TGFA: variants seen among roughly 807,000 people sequenced by gnomAD.
TGFA encodes the protein transforming growth factor alpha.
A neutral mutation model predicts 21.7 loss-of-function variants in TGFA; 12 were observed. That is an observed-to-expected ratio of 0.55 (90% CI 0.35 to 0.90). The LOEUF is 0.90. Ranked by LOEUF, TGFA falls within the 40% of genes least tolerant of loss-of-function variation. TGFA has a pLI of 0.01. For missense variants in TGFA, 178 were observed against 210.8 expected, an observed-to-expected ratio of 0.84 and a Z score of 0.96; for synonymous variants, 79 against 88.1, an observed-to-expected ratio of 0.90 and a Z score of 0.58.
At chr2:70,458,922 G>A (rs1474082463) in intron 3 of TGFA, among the ~76,000 whole-genome samples, 3 of 152,218 alleles carry the variant, frequency 2.0e-5, no homozygotes, top group Non-Finnish European at 4.4e-5. Flanking sequence ...TGGGGCCGGG[G>A]AGCCTGGGCT....
intron 3 of TGFA, among the ~76,000 whole-genome samples, chr2:70,462,382 T>C (rs1009050289): frequency 6.6e-6 from 1 of 152,226 alleles, no homozygotes; most frequent in African/African-American, 2.4e-5. Context: ...GCTGAACACA[T>C]GCAAGCCCCA....
intron 1 of TGFA, among the ~76,000 whole-genome samples, chr2:70,552,194 T>TCCACAGGAAA (rs11282416): frequency 0.29 from 43,511 of 151,916 alleles, 6,254 homozygotes; most frequent in Middle Eastern, 0.37. Context: ...GGACCCTGTG[T>TCCACAGGAAA]GCTTTACTTT....
chr2:70,518,216 A>G (rs1308233497), intron 1 of TGFA, among the ~76,000 whole-genome samples: 1 of 152,214 alleles, frequency 6.6e-6, no homozygotes, highest in East Asian at 1.9e-4. Context: ...AATCCCTTCT[A>G]GGCCACTCCT....
chr2:70,468,673 A>T (rs1553492713), intron 2 of TGFA, among the ~76,000 whole-genome samples: 1 of 152,136 alleles, frequency 6.6e-6, no homozygotes, highest in Non-Finnish European at 1.5e-5. Context: ...CGGGAAACCT[A>T]TTGTGAACTG....
At chr2:70,500,099 G>GT (rs1671691339) in intron 2 of TGFA, among the ~76,000 whole-genome samples, 2 of 152,080 alleles carry the variant, frequency 1.3e-5, no homozygotes, top group African/African-American at 4.8e-5. Context: ...ATGGTATATG[G>GT]TATCTATTTT....
rs1464520681 is a variant in TGFA at position 70,521,606 on chromosome 2, G to GTTGT, written c.41-6698_41-6695dup. Among the ~76,000 whole-genome samples, 66 of 98,264 alleles carry GTTGT rather than the reference G, an allele frequency of 6.7e-4. 2 individuals are homozygous for GTTGT. The highest frequency in any genetic ancestry group is 7.1e-4 in the Non-Finnish European group (36 of 50,848). The allele number at this position is 98,264 out of a possible 152,430, so 64.5% of individuals were successfully genotyped here. On this transcript the variant is annotated intron_variant, in intron 1 of 5. Coordinates refer to ENST00000295400, the MANE Select transcript of TGFA (RefSeq NM_003236.4). ...GCTACTATTGATAGTTTTTTTTGTTGTTGTTTGTTTGTTTTTTTTTTTTTT... is the reference window on the plus strand; with the variant it reads ...GCTACTATTGATAGTTTTTTTTGTTGTTGTTTGTTTGTTTGTTTTTTTTTTTTTT...
At chr2:70,455,285 G>A (rs1553490293) in intron 4 of TGFA, among the ~76,000 whole-genome samples, 1 of 152,208 alleles carries the variant, frequency 6.6e-6, no homozygotes, top group Non-Finnish European at 1.5e-5. Flanking sequence ...GTGCCTCACT[G>A]TTACCAGAAC....
intron 1 of TGFA, chr2:70,553,073 G>T: frequency 8.8e-7 from 1 of 1,142,006 alleles, no homozygotes; most frequent in Non-Finnish European, 1.2e-6. Flanking sequence ...AAAGGAAACT[G>T]GCAACACTCG....
intron 3 of TGFA, among the ~76,000 whole-genome samples, chr2:70,464,891 C>A (rs1462260138): frequency 1.3e-5 from 2 of 152,220 alleles, no homozygotes; most frequent in Non-Finnish European, 2.9e-5. Context: ...CCTAACTGGT[C>A]TAACCCTAAC....
intron 2 of TGFA, among the ~76,000 whole-genome samples, chr2:70,511,931 T>A (rs1342986663): frequency 5.3e-5 from 7 of 133,324 alleles, no homozygotes; most frequent in Admixed American, 3.6e-4. Flanking sequence ...ACACACACAC[T>A]TGCTACAATG....
chr2:70,541,633 T>A (rs1673133036), intron 1 of TGFA, among the ~76,000 whole-genome samples: 1 of 152,184 alleles, frequency 6.6e-6, no homozygotes, highest in South Asian at 2.1e-4. Context: ...ACGTGTTCTA[T>A]GAATGAGAAG....
intron 1 of TGFA, among the ~76,000 whole-genome samples, chr2:70,528,707 T>A (rs535195439): frequency 2.0e-5 from 3 of 152,148 alleles, no homozygotes; most frequent in Admixed American, 2.0e-4. Context: ...CAGCTGGGGA[T>A]AAGTTATCAA....
At chr2:70,499,859 T>C (rs1671684808) in intron 2 of TGFA, among the ~76,000 whole-genome samples, 1 of 152,144 alleles carries the variant, frequency 6.6e-6, no homozygotes, top group Admixed American at 6.5e-5. Flanking sequence ...AAGGAAAGGA[T>C]GTGAGTGAAA....
chr2:70,521,609 G>GTTGGTTTTTTTTTTTTT (rs1432347684), intron 1 of TGFA, among the ~76,000 whole-genome samples: 1 of 78,876 alleles, frequency 1.3e-5, no homozygotes, highest in African/African-American at 5.0e-5. Flanking sequence ...TTTTGTTGTT[G>GTTGGTTTTTTTTTTTTT]TTTGTTTGTT....
rs971314540 is a variant in TGFA at position 70,513,992 on chromosome 2, G to A, written c.94+867C>T. Among the ~76,000 whole-genome samples, 9 of 152,266 alleles carry A rather than the reference G, an allele frequency of 5.9e-5. No individual in the cohort carries two copies. In the South Asian group the frequency reaches 1.7e-3, roughly 28 times the overall value. ...TAAATCTGTATTTATTCCTGTTTCC[G>A]GAGACACATGCTGAGGAAAGAATCC... On this transcript the variant is annotated intron_variant, in intron 2 of 5. Coordinates refer to ENST00000295400, the MANE Select transcript of TGFA (RefSeq NM_003236.4).
chr2:70,479,249 A>G (rs987786942), intron 2 of TGFA, among the ~76,000 whole-genome samples: 1 of 152,236 alleles, frequency 6.6e-6, no homozygotes, highest in Non-Finnish European at 1.5e-5. Context: ...TGTGAAAAGT[A>G]TATCCATATA....
chr2:70,543,424 G>A (rs1673194202), intron 1 of TGFA, among the ~76,000 whole-genome samples: 2 of 151,716 alleles, frequency 1.3e-5, no homozygotes, highest in South Asian at 4.2e-4. Flanking sequence ...TACTTGGGAG[G>A]CTGAGGCACG....
intron 1 of TGFA, among the ~76,000 whole-genome samples, chr2:70,548,324 G>A (rs1673379293): frequency 1.3e-5 from 2 of 152,268 alleles, no homozygotes; most frequent in African/African-American, 4.8e-5. Context: ...CCCTCAAACT[G>A]ATAGAGGAGA....
At chr2:70,546,653 C>CT (rs113889951) in intron 1 of TGFA, among the ~76,000 whole-genome samples, 68 of 148,886 alleles carry the variant, frequency 4.6e-4, no homozygotes, top group East Asian at 1.2e-3. Flanking sequence ...TTTCTTTTTT[C>CT]TTTTTTTTTT....
Sources: gnomAD v4.1 joint callset for allele counts (sites outside exome capture counted in the v4.1 genomes callset) on GRCh38, gnomAD v4.1.1 for gene constraint, MANE v1.5 for transcripts, NCBI Gene and HGNC (gene_info 2026-07-23, HGNC 2026-07-21) for gene names.